The following PHLDB2 variants were observed in gnomAD, a reference collection of about 807,000 sequenced individuals.
PHLDB2 encodes the protein pleckstrin homology like domain family B member 2.
PHLDB2 carries 71 observed loss-of-function variants against 123.6 expected under a neutral mutation model. The ratio of observed to expected loss-of-function variants is 0.57; its 90% CI spans 0.47 to 0.70. The LOEUF is 0.70. Among genes scored for constraint, PHLDB2 ranks in the 30% least tolerant of loss-of-function variants. The pLI is 0.00. For missense variants in PHLDB2, 1,446 were observed against 1,519.5 expected (o/e 0.95, Z 0.80); for synonymous variants, 547 against 541.6 (o/e 1.01, Z -0.14).
chr3:111,962,055 A>AT (rs747943685), intron 12 of PHLDB2, 53 bp from the exon 13 acceptor site: 13 of 1,524,242 alleles, frequency 8.5e-6, no homozygotes, highest in South Asian at 1.2e-5. Context: ...GATGTTTAAG[A>AT]TTCAAAGACT....
At chr3:111,929,173 G>A (rs1468188463) in intron 5 of PHLDB2, among the ~76,000 whole-genome samples, 1 of 152,096 alleles carries the variant, frequency 6.6e-6, no homozygotes, top group African/African-American at 2.4e-5. Context: ...GGCTAAGATG[G>A]GAGAATCACT....
chr3:111,916,851 C>T (rs1402391151), intron 3 of PHLDB2: 1 of 151,900 alleles, frequency 6.6e-6, no homozygotes, highest in Non-Finnish European at 1.5e-5. Flanking sequence ...GATCAAGTTT[C>T]CCCAAAGATA....
intron 3 of PHLDB2, chr3:111,915,990 A>G (rs1180378198): frequency 2.6e-5 from 4 of 152,180 alleles, no homozygotes; most frequent in Non-Finnish European, 5.9e-5. Flanking sequence ...AAATCTTTTC[A>G]CATATCTTCC....
Position 111,759,089 on chromosome 3 carries a change from A to G in PHLDB2, c.-49+26386A>G, listed in dbSNP as rs1186183483. 4.6e-5 allele frequency among the ~76,000 whole-genome samples: 7 copies of G among 151,986 alleles called. No individual in the cohort carries two copies. The East Asian group carries it at 1.4e-3, about 29-fold the overall frequency. ...AGCTGATTAGAGTAAAAATGTAATTATATATGTGCATAAATATCCTAGTGA... is the reference window on the plus strand; with the variant it reads ...AGCTGATTAGAGTAAAAATGTAATTGTATATGTGCATAAATATCCTAGTGA... On this transcript the variant is annotated intron_variant, in intron 1 of 17. Coordinates refer to the PHLDB2 transcript ENST00000393923.
chr3:111,830,444 A>G (rs896792143), intron 1 of PHLDB2, among the ~76,000 whole-genome samples: 3 of 150,832 alleles, frequency 2.0e-5, no homozygotes, highest in South Asian at 4.2e-4. Context: ...AAAAAAGAAT[A>G]TATGTGGCTT....
intron 1 of PHLDB2, among the ~76,000 whole-genome samples, chr3:111,767,847 C>T (rs1161907566): frequency 2.0e-5 from 3 of 152,248 alleles, no homozygotes; most frequent in Middle Eastern, 3.4e-3. Flanking sequence ...AATGTGGCTA[C>T]TAAATTTGTC....
rs1491273298 is a variant in PHLDB2, at chr3:111,834,226, A to ATAATTC, written c.-48-11593_-48-11592insATTCTA. On this transcript the variant is annotated intron_variant, in intron 1 of 17. Coordinates refer to the PHLDB2 transcript ENST00000393923. ...TTATATATGTAATAGAATTATATAT[A>ATAATTC]TATTATGTATATAATAGAATTATAT... Among the ~76,000 whole-genome samples, 96 of 92,992 alleles carry ATAATTC rather than the reference A, an allele frequency of 1.0e-3. 10 individuals carry two copies. The highest frequency in any genetic ancestry group is 4.8e-3 in the African/African-American group (72 of 15,098). 61.0% of individuals were successfully genotyped at this position (92,992 alleles called of 152,430 possible). A position where few individuals can be genotyped will look rare whatever the true frequency, so the allele number is the denominator to read the frequency against.
intron 1 of PHLDB2, among the ~76,000 whole-genome samples, chr3:111,860,126 G>T (rs1452578529): frequency 1.3e-5 from 2 of 152,074 alleles, no homozygotes; most frequent in African/African-American, 4.8e-5. Context: ...GGAACTGGGG[G>T]CAACTTTTTC....
intron 1 of PHLDB2, among the ~76,000 whole-genome samples, chr3:111,802,838 G>T (rs2061428012): frequency 6.6e-6 from 1 of 152,184 alleles, no homozygotes; most frequent in African/African-American, 2.4e-5. Flanking sequence ...AGGGTGGGTG[G>T]TGTGAACACA....
chr3:111,967,311 A>G (rs1349054747), intron 14 of PHLDB2, among the ~76,000 whole-genome samples: 1 of 152,238 alleles, frequency 6.6e-6, no homozygotes, highest in Non-Finnish European at 1.5e-5. Flanking sequence ...AGAAGACAGT[A>G]GTCAAAAGAC....
At chr3:111,846,696 T>G (rs895816980) in intron 2 of PHLDB2, among the ~76,000 whole-genome samples, 1 of 152,108 alleles carries the variant, frequency 6.6e-6, no homozygotes, top group Non-Finnish European at 1.5e-5. Context: ...GTTAGGGCTC[T>G]CCAGAGAAAC....
At chr3:111,821,232 C>T (rs73855638) in intron 1 of PHLDB2, among the ~76,000 whole-genome samples, 86 of 152,294 alleles carry the variant, frequency 5.6e-4, no homozygotes, top group African/African-American at 2.0e-3. Flanking sequence ...TCTGGTCAGA[C>T]CAGGCTCATT....
At chr3:111,863,183 T>C (rs959984277) in intron 1 of PHLDB2, among the ~76,000 whole-genome samples, 7 of 152,136 alleles carry the variant, frequency 4.6e-5, no homozygotes, top group African/African-American at 1.7e-4. Context: ...CCTGTGACAC[T>C]CCACTTCTGA....
At chr3:111,781,225 T>C (rs917213040) in intron 1 of PHLDB2, among the ~76,000 whole-genome samples, 3 of 152,092 alleles carry the variant, frequency 2.0e-5, no homozygotes. Flanking sequence ...TCTGATGAAC[T>C]CTATTGACCA....
At position 111,969,721 on chromosome 3, in the gene PHLDB2, G is replaced by A. The variant is rs1168076104; in HGVS notation, c.3347G>A (p.Arg1116Gln). The change falls in exon 16 of 18, where the codon CGG becomes CAG. Residue 1116 changes from arginine to glutamine, a missense_variant. Physicochemically the swap from Arg to Gln is conservative, Grantham distance 43. Coordinates refer to ENST00000431670, the MANE Select transcript of PHLDB2 (RefSeq NM_001134438.2). Reference protein sequence around the residue: ...ARPLTRYLPVRKEDFDLRSHV... With the variant: ...ARPLTRYLPVQKEDFDLRSHV... The stretch of plus-strand genomic sequence containing the variant: ...CCTTTGACACGCTACCTGCCTGTCC[G>A]GAAGGAAGACTTTGATTTGCGGAGC... 16 of 1,613,868 alleles carry A rather than the reference G, an allele frequency of 9.9e-6. No individual in the cohort carries two copies. In the African/African-American group the frequency reaches 1.1e-4, roughly 11 times the overall value.
intron 12 of PHLDB2, among the ~76,000 whole-genome samples, chr3:111,959,806 C>T (rs2071283396): frequency 6.6e-6 from 1 of 152,224 alleles, no homozygotes; most frequent in African/African-American, 2.4e-5. Context: ...AAGAAACATG[C>T]TCACCTTCTT....
chr3:111,792,487 C>T (rs1448248497), intron 1 of PHLDB2, among the ~76,000 whole-genome samples: 1 of 152,108 alleles, frequency 6.6e-6, no homozygotes, highest in Non-Finnish European at 1.5e-5. Flanking sequence ...GGAAGAATCG[C>T]TTGAGCCCAG....
At chr3:111,907,682 T>C (rs779143032) in intron 2 of PHLDB2, among the ~76,000 whole-genome samples, 5 of 151,996 alleles carry the variant, frequency 3.3e-5, no homozygotes, top group Admixed American at 1.3e-4. Flanking sequence ...TTTTAGTAGA[T>C]ACAGGGTTTA....
chr3:111,830,965 GAAAGAAAGAAAGAAAGAAAGAA>G lies in PHLDB2; in HGVS notation c.-48-14854_-48-14833del, dbSNP rs2062961649. The stretch of plus-strand genomic sequence containing the variant: ...AAGGAAAGAAAGAAAGAGAAAGAAA[GAAAGAAAGAAAGAAAGAAAGAA>G]AGAAAGAAAGAAAGAAAGAAAGAAA... On this transcript the variant is annotated intron_variant, in intron 1 of 17. Coordinates refer to the PHLDB2 transcript ENST00000393923. Among the ~76,000 whole-genome samples the G allele has an allele frequency of 4.1e-5, 2 of 48,440 alleles. 1 individual carries two copies. The highest frequency in any genetic ancestry group is 9.4e-5 in the African/African-American group (2 of 21,280). 31.8% of individuals were successfully genotyped at this position (48,440 alleles called of 152,430 possible).
Sources: allele counts gnomAD v4.1 joint callset (sites outside exome capture counted in the v4.1 genomes callset), GRCh38; gene constraint gnomAD v4.1.1; transcripts MANE v1.5; gene names NCBI Gene and HGNC (gene_info 2026-07-23, HGNC 2026-07-21).